TNFAIP8: variants seen among roughly 807,000 people sequenced by gnomAD.
TNFAIP8 encodes tumor necrosis factor alpha-induced protein 8.
Under a neutral mutation model 13.3 loss-of-function variants are expected in TNFAIP8, and 7 were observed. The ratio of observed to expected loss-of-function variants is 0.52; its 90% CI spans 0.30 to 0.99. TNFAIP8 has a LOEUF of 0.99. TNFAIP8 is among the 50% of genes least tolerant of loss of function. The probability of loss-of-function intolerance (pLI) is 0.07; values close to 1 mark genes in which losing one functional copy is unlikely to be tolerated. For missense variants in TNFAIP8, 258 were observed against 236.9 expected (o/e 1.09, Z -0.58); for synonymous variants, 94 against 87.6 (o/e 1.07, Z -0.41).
intron 1 of TNFAIP8, among the ~76,000 whole-genome samples, chr5:119,365,491 C>T (rs1032900022): frequency 6.6e-6 from 1 of 152,172 alleles, no homozygotes; most frequent in African/African-American, 2.4e-5. Flanking sequence ...GACAGCTTCA[C>T]TCAGGAGGTA....
intron 1 of TNFAIP8, among the ~76,000 whole-genome samples, chr5:119,366,615 C>T (rs190664518): frequency 4.6e-5 from 7 of 152,296 alleles, no homozygotes; most frequent in East Asian, 1.9e-4. Flanking sequence ...CCTGTGACAT[C>T]GTGATGCCCA....
At chr5:119,283,357 G>A (rs750429006) in intron 1 of TNFAIP8, among the ~76,000 whole-genome samples, 8 of 152,176 alleles carry the variant, frequency 5.3e-5, no homozygotes. Context: ...GATAGGCTAG[G>A]CATAGTGGCC....
intron 1 of TNFAIP8, among the ~76,000 whole-genome samples, chr5:119,336,621 C>T (rs13161045): frequency 1.6e-3 from 245 of 152,224 alleles, no homozygotes; most frequent in Middle Eastern, 3.4e-3. Flanking sequence ...GGTATTCTGC[C>T]CATTAGCTGT....
intron 1 of TNFAIP8, among the ~76,000 whole-genome samples, chr5:119,281,052 C>A (rs774468287): frequency 3.9e-5 from 6 of 152,078 alleles, no homozygotes; most frequent in Non-Finnish European, 8.8e-5. Context: ...TCCTCCTGAC[C>A]TGACCTTAGT....
intron 1 of TNFAIP8, among the ~76,000 whole-genome samples, chr5:119,374,208 T>G (rs1487534196): frequency 4.0e-5 from 6 of 150,200 alleles, no homozygotes; most frequent in Non-Finnish European, 7.4e-5. Flanking sequence ...TTTTTCAGAT[T>G]TTTGGAATAT....
At position 119,393,640 on chromosome 5, in the gene TNFAIP8, T is replaced by C. The variant is rs1457316629; in HGVS notation, c.*259T>C. ...ATGTGGTTGGGTAATGCAAATGTAG[T>C]TATACAAAGAAAAATACAGATGTCT... On this transcript the variant is annotated 3_prime_UTR_variant, in exon 2 of 2. Coordinates refer to ENST00000504771, the MANE Select transcript of TNFAIP8 (RefSeq NM_014350.4). The C allele has an allele frequency of 9.5e-6, 4 of 420,634 alleles. No individual in the cohort carries two copies. The highest frequency in any genetic ancestry group is 1.7e-5 in the Non-Finnish European group (4 of 231,352). 26.1% of individuals were successfully genotyped at this position (420,634 alleles called of 1,614,324 possible). A position where few individuals can be genotyped will look rare whatever the true frequency, so the allele number is the denominator to read the frequency against.
At chr5:119,308,437 A>G (rs1209941513) in intron 1 of TNFAIP8, among the ~76,000 whole-genome samples, 1 of 137,662 alleles carries the variant, frequency 7.3e-6, no homozygotes, top group Non-Finnish European at 1.5e-5. Context: ...TGTGCAGTGC[A>G]TCATGTAGGC....
At chr5:119,351,788 C>CTTTTTTTTTTTTT (rs1177061965), upstream of TNFAIP8, among the ~76,000 whole-genome samples, 60 of 138,266 alleles carry the variant, frequency 4.3e-4, 2 homozygotes, top group African/African-American at 1.5e-3. Context: ...TTTTCTTTTT[C>CTTTTTTTTTTTTT]TTTTTTTCTT....
chr5:119,386,719 C>A (rs189622384), intron 1 of TNFAIP8, among the ~76,000 whole-genome samples: 1 of 152,168 alleles, frequency 6.6e-6, no homozygotes, highest in African/African-American at 2.4e-5. Flanking sequence ...TGCATATACC[C>A]CAAAATGTGC....
At chr5:119,320,189 A>G (rs1013965826) in intron 1 of TNFAIP8, among the ~76,000 whole-genome samples, 1 of 152,158 alleles carries the variant, frequency 6.6e-6, no homozygotes, top group Non-Finnish European at 1.5e-5. Context: ...TTTAGGACAT[A>G]TTACATCTCC....
At chr5:119,303,704 C>G (rs1269608986) in intron 1 of TNFAIP8, among the ~76,000 whole-genome samples, 1 of 152,168 alleles carries the variant, frequency 6.6e-6, no homozygotes, top group Non-Finnish European at 1.5e-5. Context: ...GCAACACAAA[C>G]AACAGGGAGA....
intron 1 of TNFAIP8, among the ~76,000 whole-genome samples, chr5:119,271,772 G>T (rs184046945): frequency 4.8e-4 from 73 of 152,256 alleles, no homozygotes; most frequent in African/African-American, 1.8e-3. Context: ...GAGTTGTGTG[G>T]TGCCAGATTA....
intron 1 of TNFAIP8, among the ~76,000 whole-genome samples, chr5:119,388,717 C>A (rs1752775329): frequency 6.6e-6 from 1 of 152,046 alleles, no homozygotes; most frequent in African/African-American, 2.4e-5. Context: ...TAGCTCACTG[C>A]AGCTCTGTAG....
intron 1 of TNFAIP8, among the ~76,000 whole-genome samples, chr5:119,281,693 A>G (rs1432291795): frequency 6.6e-6 from 1 of 152,234 alleles, no homozygotes; most frequent in African/African-American, 2.4e-5. Context: ...TTATTGTTAT[A>G]TATTAAAATA....
At chr5:119,272,574 G>C (rs1748322649) in intron 1 of TNFAIP8, among the ~76,000 whole-genome samples, 1 of 152,190 alleles carries the variant, frequency 6.6e-6, no homozygotes, top group African/African-American at 2.4e-5. Flanking sequence ...ATAACCAGTG[G>C]TATTACTGAA....
At position 119,393,138 on chromosome 5, in the gene TNFAIP8, G is replaced by C; in HGVS notation, c.354G>C (p.Gln118His). ...QLAMTVVSFH[Q>H]VDYTFDRNVL... ...CTATGACCGTGGTCAGTTTCCATCA[G>C]GTGGATTATACCTTTGACCGGAATG... Residue 118 changes from glutamine (Q) to histidine (H), a missense_variant, in exon 2 of 2, where the codon CAG (glutamine) becomes CAC (histidine). By Grantham distance (24) the Gln-to-His change is conservative. Coordinates refer to ENST00000504771, the MANE Select transcript of TNFAIP8 (RefSeq NM_014350.4). The C allele has an allele frequency of 6.2e-7, 1 of 1,614,002 alleles. No individual in the cohort carries two copies. The highest frequency in any genetic ancestry group is 8.5e-7 in the Non-Finnish European group (1 of 1,179,888).
intron 1 of TNFAIP8, among the ~76,000 whole-genome samples, chr5:119,276,220 C>T (rs1330244571): frequency 6.6e-6 from 1 of 151,660 alleles, no homozygotes; most frequent in African/African-American, 2.4e-5. Context: ...CGGGTTCAAG[C>T]GAAGCTCCTA....
intron 1 of TNFAIP8, among the ~76,000 whole-genome samples, chr5:119,284,286 G>C (rs1320508678): frequency 6.6e-6 from 1 of 152,130 alleles, no homozygotes; most frequent in Admixed American, 6.5e-5. Flanking sequence ...CTGGAGGGCA[G>C]TAACAGAGCT....
chr5:119,394,865 C>T lies in TNFAIP8; in HGVS notation c.*1484C>T, dbSNP rs987536029. On this transcript the variant is annotated 3_prime_UTR_variant, in exon 2 of 2. Transcript: ENST00000504771. ...CAAATGATCTGCCTGCCTCGGCCTCCGAAAGTGTTGGGATTACAGGTGTGA... is the reference window on the plus strand; with the variant it reads ...CAAATGATCTGCCTGCCTCGGCCTCTGAAAGTGTTGGGATTACAGGTGTGA... The T allele has an allele frequency of 2.0e-5, 3 of 151,996 alleles. No homozygotes were observed. The highest frequency in any genetic ancestry group is 2.9e-5 in the Non-Finnish European group (2 of 68,040). 9.4% of individuals were successfully genotyped at this position (151,996 alleles called of 1,614,324 possible). A position where few individuals can be genotyped will look rare whatever the true frequency, so the allele number is the denominator to read the frequency against.
Sources: gnomAD v4.1 joint callset for allele counts (sites outside exome capture counted in the v4.1 genomes callset) on GRCh38, gnomAD v4.1.1 for gene constraint, MANE v1.5 for transcripts, NCBI Gene and HGNC (gene_info 2026-07-23, HGNC 2026-07-21) for gene names.